The following DNAH2 variants were observed in gnomAD, a reference collection of about 807,000 sequenced individuals.
The protein encoded by DNAH2 is axonemal beta dynein heavy chain 2.
Under a neutral mutation model 523.5 loss-of-function variants are expected in DNAH2, and 323 were observed. The ratio of observed to expected loss-of-function variants is 0.62; its 90% confidence interval spans 0.56 to 0.68. The LOEUF is 0.68. Ranked by LOEUF, DNAH2 falls within the 30% of genes least tolerant of loss-of-function variation. The pLI is 0.00. For synonymous variants in DNAH2, 2,093 were observed against 2,177.4 expected (o/e 0.96, Z 1.08); for missense variants, 4,907 against 5,701.5 (o/e 0.86, Z 4.49).
intron 42 of DNAH2, 176 bp downstream of exon 42, chr17:7,787,209 C>T (rs1003842700): frequency 1.2e-6 from 1 of 809,662 alleles, no homozygotes; most frequent in Non-Finnish European, 1.9e-6. Flanking sequence ...CTTTGCTTGC[C>T]GCGGCTGTTG....
In DNAH2 at chr17:7,776,129, G is replaced by A. The variant is rs557200954; in HGVS notation, c.4927G>A (p.Val1643Met). The change falls in exon 31 of 86, where the codon GTG becomes ATG. Residue 1643 changes from valine to methionine, a missense_variant. Coordinates refer to ENST00000572933, the MANE Select transcript of DNAH2 (RefSeq NM_020877.5). ...RKFLNKRDKWVKEWAGQVVIT... is the reference protein window; with the variant it reads ...RKFLNKRDKWMKEWAGQVVIT... The stretch of plus-strand genomic sequence containing the variant: ...GTTCCTCAACAAGAGGGACAAATGG[G>A]TGAAGGAGTGGGCTGGCCAGGTGAG... The A allele has an allele frequency of 1.8e-5, 29 of 1,613,732 alleles. No individual in the cohort carries two copies. The highest frequency in any genetic ancestry group is 2.5e-5 in the Non-Finnish European group (29 of 1,179,872).
rs2075770392 is a variant in DNAH2, at chr17:7,754,177, G to A, written c.1905-2914G>A. ...GGCCGTGAAGGGGAGGACAGGATAT[G>A]GCACCTGAAGAAGGACAGGAGTTGA... On this transcript the variant is annotated intron_variant, in intron 12 of 85. Transcript: ENST00000572933. The surrounding 1 kb of genome is among the most constrained non-coding windows in gnomAD (Gnocchi z 4.6). The A allele has an allele frequency of 3.6e-5, 6 of 166,876 alleles. No individual in the cohort carries two copies. The highest frequency in any genetic ancestry group is 7.7e-5 in the Non-Finnish European group (6 of 78,248). 10.3% of individuals were successfully genotyped at this position (166,876 alleles called of 1,614,324 possible).
rs1322292876 is a variant in DNAH2, at chr17:7,718,173, A to C, written c.-641A>C. On this transcript the variant is annotated 5_prime_UTR_variant, in exon 1 of 86. Coordinates refer to ENST00000572933, the MANE Select transcript of DNAH2 (RefSeq NM_020877.5). ...AGAGTGAGCCCCGACTTAGCAGAGCAGTTCCTCCTGGGGCCTGCGGTGTGG... is the reference window on the plus strand; with the variant it reads ...AGAGTGAGCCCCGACTTAGCAGAGCCGTTCCTCCTGGGGCCTGCGGTGTGG... 1 of 152,260 alleles carries C rather than the reference A, an allele frequency of 6.6e-6. No homozygotes were observed. Among genetic ancestry groups the C allele is most frequent in the African/African-American group, 2.4e-5 (1 of 41,444 alleles). 9.4% of individuals were successfully genotyped at this position (152,260 alleles called of 1,614,324 possible). A position where few individuals can be genotyped will look rare whatever the true frequency, so the allele number is the denominator to read the frequency against.
At position 7,734,771 on chromosome 17, in the gene DNAH2, G is replaced by A. The variant is rs1418701127; in HGVS notation, c.978+63G>A. 8 of 1,548,226 alleles carry A rather than the reference G, an allele frequency of 5.2e-6. No homozygotes were observed. The South Asian group carries it at 5.7e-5, about 11-fold the overall frequency. On this transcript the variant is annotated intron_variant, in intron 7 of 85. Coordinates refer to ENST00000572933, the MANE Select transcript of DNAH2 (RefSeq NM_020877.5). ...AGTGGGCAATGGTTGGGATGATACA[G>A]GGAGCTAAGTAAGGAGAGGGAGCCA...
intron 23 of DNAH2, 50 bp downstream of exon 23, chr17:7,768,111 G>T (rs1194064576): frequency 6.2e-7 from 1 of 1,614,206 alleles, no homozygotes; most frequent in Admixed American, 1.7e-5. Context: ...GAGGATCTGG[G>T]TCTGTTCCCA....
rs574125600 is a variant in DNAH2 at position 7,766,180 on chromosome 17, C to A, written c.3512-138C>A. 1.4e-5 allele frequency: 12 copies of A among 855,176 alleles called. No homozygotes were observed. The African/African-American group carries it at 2.0e-4, about 15-fold the overall frequency. The allele number at this position is 855,176 out of a possible 1,614,324, so 53.0% of individuals were successfully genotyped here. A position where few individuals can be genotyped will look rare whatever the true frequency, so the allele number is the denominator to read the frequency against. The stretch of plus-strand genomic sequence containing the variant: ...AAGATTAACCGTTATTCTTTCAACG[C>A]GTTCCCTCTTACTCTCCTTCCCTTC... On this transcript the variant is annotated intron_variant, in intron 21 of 85. Coordinates refer to ENST00000572933, the MANE Select transcript of DNAH2 (RefSeq NM_020877.5).
At chr17:7,767,181 A>G (rs886630320) in intron 22 of DNAH2, among the ~76,000 whole-genome samples, 1 of 138,296 alleles carries the variant, frequency 7.2e-6, no homozygotes, top group African/African-American at 2.7e-5. Flanking sequence ...AACCATTTGT[A>G]TGATAATACG....
chr17:7,833,116 G>T lies in DNAH2; in HGVS notation c.13024G>T (p.Asp4342Tyr). The change falls in exon 85 of 86, where the codon GAC becomes TAC. Residue 4342 changes from aspartate to tyrosine, a missense_variant. By Grantham distance (160) the Asp-to-Tyr change is radical (BLOSUM62 -3). Around this residue, in one of 3 missense-constraint regions of DNAH2, gnomAD observed 1,851 missense variants for 2,139.4 expected, o/e 0.87. Coordinates refer to ENST00000572933, the MANE Select transcript of DNAH2 (RefSeq NM_020877.5). ...RGLYLEGAGW[D>Y]RKNSCLVEAE... Reference sequence around the variant, plus strand: ...CCTGTACCTGGAAGGTGCTGGCTGGGACCGGAAGAACTCCTGCTTGGTGGA... The same window carrying T: ...CCTGTACCTGGAAGGTGCTGGCTGGTACCGGAAGAACTCCTGCTTGGTGGA... 6.2e-7 allele frequency: 1 copy of T among 1,612,958 alleles called. No homozygotes were observed.
At chr17:7,725,170 A>G (rs1247908171) in intron 3 of DNAH2, among the ~76,000 whole-genome samples, 2 of 150,816 alleles carry the variant, frequency 1.3e-5, no homozygotes, top group African/African-American at 2.4e-5. Context: ...GCTCACTGCA[A>G]TCTCCGCCTC....
chr17:7,743,688 CACTA>C (rs2075429603), intron 12 of DNAH2: 1 of 279,648 alleles, frequency 3.6e-6, no homozygotes, highest in African/African-American at 2.2e-5. Flanking sequence ...AAAACCACTC[CACTA>C]TCTGACTAAA....
In DNAH2 at chr17:7,780,182, C is replaced by G; in HGVS notation, c.5748C>G (p.Pro1916=). ...GCTATGCTGGCCGCACAGAGCTTCC[C>G]GAAAATCTTAAATCCATGTTCCGCC... is the stretch of plus-strand genomic sequence containing the variant. ...NPGYAGRTEL[P]ENLKSMFRPI... is the part of the protein sequence containing the mutation. Residue 1916 remains proline, a synonymous_variant, in exon 37 of 86, where the codon CCC becomes CCG. Transcript: ENST00000572933. This position sits in a 1 kb window ranked among gnomAD's most constrained non-coding sequence, Gnocchi z 4.4. 6.2e-6 allele frequency: 10 copies of G among 1,613,706 alleles called. No individual in the cohort carries two copies. The highest frequency in any genetic ancestry group is 8.5e-6 in the Non-Finnish European group (10 of 1,179,840).
intron 12 of DNAH2, among the ~76,000 whole-genome samples, chr17:7,753,392 A>G (rs905366556): frequency 3.3e-5 from 5 of 152,160 alleles, no homozygotes; most frequent in Admixed American, 3.3e-4. Context: ...TTCGGAAGGC[A>G]GCCGAAGCCA....
Position 7,763,764 on chromosome 17 carries a change from C to T in DNAH2, c.2979-67C>T, listed in dbSNP as rs140181866. On this transcript the variant is annotated intron_variant, in intron 18 of 85. Transcript: ENST00000572933. ...GTGGAAGGAAATGAGACCTGCAGCC[C>T]GTGTGGGGACAGAGGGTATGTCTGC... 890 of 1,583,734 alleles carry T rather than the reference C, an allele frequency of 5.6e-4. 6 individuals carry two copies. The African/African-American group carries it at 0.01, about 19-fold the overall frequency.
In DNAH2 at chr17:7,807,434, G is replaced by T. The variant is rs767227844; in HGVS notation, c.9613-36G>T. The T allele has an allele frequency of 6.2e-7, 1 of 1,610,692 alleles. No individual in the cohort carries two copies. ...TGGAGGTGAGGGGGTTGGTGGGTTG[G>T]TGGGCGACTCCCACAGCCTGACTGT... On this transcript the variant is annotated intron_variant, in intron 62 of 85. Transcript: ENST00000572933. The surrounding 1 kb of genome is among the most constrained non-coding windows in gnomAD (Gnocchi z 5.6).
At chr17:7,736,186 A>C (rs991882997) in intron 7 of DNAH2, among the ~76,000 whole-genome samples, 1 of 152,002 alleles carries the variant, frequency 6.6e-6, no homozygotes, top group African/African-American at 2.4e-5. Context: ...ATAAACATTA[A>C]AAAAAAATTT....
chr17:7,766,402 A>G lies in DNAH2; in HGVS notation c.3596A>G (p.Glu1199Gly). The G allele has an allele frequency of 5.0e-6, 8 of 1,614,088 alleles. No homozygotes were observed. The highest frequency in any genetic ancestry group is 6.8e-6 in the Non-Finnish European group (8 of 1,180,004). ...VRAMLMAMREEENSLRANLGI... is the reference protein window; with the variant it reads ...VRAMLMAMREGENSLRANLGI... ...GCCATGCTGATGGCCATGCGGGAAGAGGAAAATAGTCTCCGAGCCAACCTG... is the reference window on the plus strand; with the variant it reads ...GCCATGCTGATGGCCATGCGGGAAGGGGAAAATAGTCTCCGAGCCAACCTG... Residue 1199 changes from glutamate to glycine, a missense_variant, in exon 22 of 86, where the codon GAG becomes GGG. Glu to Gly is a moderately conservative substitution (Grantham distance 98, BLOSUM62 -2). Around this residue, in one of 3 missense-constraint regions of DNAH2, gnomAD observed 2,806 missense variants for 3,190.8 expected, o/e 0.88. Coordinates refer to ENST00000572933, the MANE Select transcript of DNAH2 (RefSeq NM_020877.5).
At chr17:7,722,192 G>C (rs867490971) in intron 2 of DNAH2, among the ~76,000 whole-genome samples, 4 of 104,714 alleles carry the variant, frequency 3.8e-5, no homozygotes, top group African/African-American at 5.8e-5. Flanking sequence ...AGAGACGGGG[G>C]GGGGGGTTCA....
In DNAH2 at chr17:7,780,489, A is replaced by G. The variant is rs964265263; in HGVS notation, c.5851-141A>G. 10 of 1,411,140 alleles carry G rather than the reference A, an allele frequency of 7.1e-6. No homozygotes were observed. In the Admixed American group the frequency reaches 1.0e-4, roughly 15 times the overall value. 87.4% of individuals were successfully genotyped at this position (1,411,140 alleles called of 1,614,324 possible). A position where few individuals can be genotyped will look rare whatever the true frequency, so the allele number is the denominator to read the frequency against. Reference sequence around the variant, plus strand: ...TAACTGACAATGGCGTCATTCACACAATTTCCTCAGGAGAATCCATAGAGT... The same window carrying G: ...TAACTGACAATGGCGTCATTCACACGATTTCCTCAGGAGAATCCATAGAGT... On this transcript the variant is annotated intron_variant, in intron 37 of 85. Coordinates refer to ENST00000572933, the MANE Select transcript of DNAH2 (RefSeq NM_020877.5). This position sits in a 1 kb window ranked among gnomAD's most constrained non-coding sequence, Gnocchi z 4.4.
At chr17:7,719,700 T>C (rs772869736) in intron 1 of DNAH2, 21 bp from the exon 2 acceptor site, 2 of 1,614,072 alleles carry the variant, frequency 1.2e-6, no homozygotes, top group South Asian at 2.2e-5. Flanking sequence ...TTGTAGACTC[T>C]CCACTCCTGT....
Sources: allele counts gnomAD v4.1 joint callset (sites outside exome capture counted in the v4.1 genomes callset), GRCh38; gene constraint gnomAD v4.1.1; regional missense constraint gnomAD v4.1.1; non-coding constraint Gnocchi (gnomAD v3.1); transcripts MANE v1.5; gene names NCBI Gene and HGNC (gene_info 2026-07-23, HGNC 2026-07-21).